Variants in USP47 observed in about 807,000 individuals in gnomAD.
USP47 encodes ubiquitin carboxyl-terminal hydrolase 47.
USP47 carries 35 observed loss-of-function variants against 165.1 expected under a neutral mutation model. The ratio of observed to expected loss-of-function variants is 0.21; its 90% CI spans 0.16 to 0.28. The LOEUF is 0.28. USP47 is among the 10% of genes least tolerant of loss of function. The probability of loss-of-function intolerance (pLI) is 1.00; values close to 1 mark genes in which losing one functional copy is unlikely to be tolerated. For missense variants in USP47, 1,277 were observed against 1,607.4 expected, an observed-to-expected ratio of 0.79 and a Z score of 3.52; for synonymous variants, 531 against 544.5, an observed-to-expected ratio of 0.98 and a Z score of 0.35.
At position 11,930,684 on chromosome 11, in the gene USP47, T is replaced by C; in HGVS notation, c.1596-12T>C. 3 of 1,588,594 alleles carry C rather than the reference T, an allele frequency of 1.9e-6. No homozygotes were observed. Among genetic ancestry groups the C allele is most frequent in the Middle Eastern group, 1.7e-4 (1 of 6,002 alleles). On this transcript the variant is annotated splice_polypyrimidine_tract_variant and intron_variant, in intron 13 of 27. Transcript: ENST00000527733. Reference sequence around the variant, plus strand: ...TTTTTGTCCTTATTAATCTTTTTTATGTTTCTACTAGTTCCACAAATGCAT... The same window carrying C: ...TTTTTGTCCTTATTAATCTTTTTTACGTTTCTACTAGTTCCACAAATGCAT...
At chr11:11,867,678 T>C (rs1849770344) in intron 1 of USP47, among the ~76,000 whole-genome samples, 1 of 152,232 alleles carries the variant, frequency 6.6e-6, no homozygotes, top group African/African-American at 2.4e-5. Flanking sequence ...TGACTCTCTT[T>C]AATGGTACCA....
rs187197781 is a variant in USP47, at chr11:11,905,693, A to G, written c.969+145A>G. ...TCCTGCATTTAAATTAGCAAGATCTAGAAGATTTTTGACCCTTCAGTGAGT... is the reference window on the plus strand; with the variant it reads ...TCCTGCATTTAAATTAGCAAGATCTGGAAGATTTTTGACCCTTCAGTGAGT... On this transcript the variant is annotated intron_variant, in intron 8 of 27. Coordinates refer to ENST00000527733, the MANE Select transcript of USP47 (RefSeq NM_001282659.2). The G allele has an allele frequency of 5.0e-4, 409 of 817,150 alleles. 5 individuals are homozygous for G. In the East Asian group the frequency reaches 0.013, roughly 25 times the overall value. 50.6% of individuals were successfully genotyped at this position (817,150 alleles called of 1,614,324 possible). A position where few individuals can be genotyped will look rare whatever the true frequency, so the allele number is the denominator to read the frequency against.
At chr11:11,879,750 C>T (rs1850709200) in intron 1 of USP47, among the ~76,000 whole-genome samples, 1 of 152,126 alleles carries the variant, frequency 6.6e-6, no homozygotes, top group Non-Finnish European at 1.5e-5. Flanking sequence ...TGCATTTTTG[C>T]ACAATTCCCA....
intron 1 of USP47, among the ~76,000 whole-genome samples, chr11:11,870,805 G>T (rs960092875): frequency 6.6e-6 from 1 of 152,006 alleles, no homozygotes; most frequent in African/African-American, 2.4e-5. Context: ...AGTTTCTTGT[G>T]CTGTGTCTTA....
intron 8 of USP47, among the ~76,000 whole-genome samples, chr11:11,917,034 T>C (rs2134567350): frequency 6.6e-6 from 1 of 151,654 alleles, no homozygotes. Flanking sequence ...GTGCCTGTGG[T>C]CCTAACTATT....
intron 1 of USP47, among the ~76,000 whole-genome samples, chr11:11,876,712 T>G (rs368101141): frequency 1.8e-3 from 274 of 152,332 alleles, no homozygotes; most frequent in African/African-American, 6.2e-3. Flanking sequence ...TTTCTAGGGC[T>G]TCCTCACAGC....
chr11:11,882,700 C>G (rs1850908842), intron 2 of USP47, among the ~76,000 whole-genome samples: 1 of 152,034 alleles, frequency 6.6e-6, no homozygotes. Flanking sequence ...ATTTTTTTCT[C>G]TTTGACCTCC....
At position 11,957,253 on chromosome 11, in the gene USP47, G is replaced by T. The variant is rs1047566889; in HGVS notation, c.*1078G>T. 7.3e-5 allele frequency: 11 copies of T among 149,918 alleles called. No individual in the cohort carries two copies. The East Asian group carries it at 7.9e-4, about 11-fold the overall frequency. 9.3% of individuals were successfully genotyped at this position (149,918 alleles called of 1,614,324 possible). A position where few individuals can be genotyped will look rare whatever the true frequency, so the allele number is the denominator to read the frequency against. ...ACATGTAGTTTAACTTTTGGGAAACGTCTTAACATTGTTCTGAATAAACTT... is the reference window on the plus strand; with the variant it reads ...ACATGTAGTTTAACTTTTGGGAAACTTCTTAACATTGTTCTGAATAAACTT... On this transcript the variant is annotated 3_prime_UTR_variant, in exon 28 of 28. Transcript: ENST00000527733.
chr11:11,929,504 C>T lies in USP47; in HGVS notation c.1457C>T (p.Ala486Val). 1 of 1,613,248 alleles carries T rather than the reference C, an allele frequency of 6.2e-7. No individual in the cohort carries two copies. The highest frequency in any genetic ancestry group is 8.5e-7 in the Non-Finnish European group (1 of 1,179,434). Residue 486 changes from alanine to valine, a missense_variant, in exon 12 of 28, where the codon GCA becomes GTA. Ala to Val is a moderately conservative substitution (Grantham distance 64). Around this residue, in one of 4 missense-constraint regions of USP47, gnomAD observed 909 missense variants for 1,068.1 expected, o/e 0.85. Transcript: ENST00000527733. ...SGSAAGGHYYACIKSFSDEQW... is the reference protein window; with the variant it reads ...SGSAAGGHYYVCIKSFSDEQW... ...AGCGCTGCTGGTGGTCATTATTATGCATGTATAAAGTCATTCAGTGATGAG... is the reference window on the plus strand; with the variant it reads ...AGCGCTGCTGGTGGTCATTATTATGTATGTATAAAGTCATTCAGTGATGAG...
At chr11:11,921,385 G>A (rs1255631231) in intron 10 of USP47, among the ~76,000 whole-genome samples, 1 of 151,740 alleles carries the variant, frequency 6.6e-6, no homozygotes, top group East Asian at 1.9e-4. Flanking sequence ...GTGTAGAAGA[G>A]CACATGTTTT....
intron 14 of USP47, 117 bp from the exon 15 acceptor site, chr11:11,932,887 A>C (rs111577593): frequency 5.6e-6 from 4 of 711,508 alleles, no homozygotes; most frequent in Non-Finnish European, 9.3e-6. Context: ...TGTAATGGAG[A>C]TATATCTCCA....
At chr11:11,900,440 G>A (rs1011144697) in intron 5 of USP47, among the ~76,000 whole-genome samples, 10 of 152,126 alleles carry the variant, frequency 6.6e-5, no homozygotes, top group East Asian at 1.9e-4. Context: ...GATTACAGGC[G>A]TGAGCCACCG....
chr11:11,874,110 A>G (rs1254127484), intron 1 of USP47, among the ~76,000 whole-genome samples: 2 of 152,246 alleles, frequency 1.3e-5, no homozygotes, highest in Admixed American at 6.5e-5. Flanking sequence ...GATGTTGGGT[A>G]TGATAGTTGC....
chr11:11,912,415 A>G (rs537281956), intron 8 of USP47, among the ~76,000 whole-genome samples: 25 of 152,230 alleles, frequency 1.6e-4, no homozygotes, highest in Admixed American at 3.9e-4. Context: ...GATCACAACA[A>G]ACAACTCTGC....
intron 1 of USP47, among the ~76,000 whole-genome samples, chr11:11,852,911 T>C (rs944095926): frequency 1.3e-5 from 2 of 152,210 alleles, no homozygotes; most frequent in African/African-American, 4.8e-5. Flanking sequence ...TTCTGTGCCC[T>C]TGCCCTGACT....
intron 18 of USP47, among the ~76,000 whole-genome samples, chr11:11,939,139 G>A (rs574499651): frequency 5.3e-5 from 8 of 151,774 alleles, no homozygotes; most frequent in Non-Finnish European, 7.4e-5. Flanking sequence ...AATTTTGGGG[G>A]GCAAAAGGAT....
chr11:11,920,356 G>A lies in USP47; in HGVS notation c.1080G>A (p.Leu360=). The A allele has an allele frequency of 6.2e-7, 1 of 1,605,592 alleles. No homozygotes were observed. The highest frequency in any genetic ancestry group is 1.3e-5 in the African/African-American group (1 of 74,342). Residue 360 remains leucine, a synonymous_variant, in exon 10 of 28, where the codon TTG becomes TTA. Transcript: ENST00000527733. ...TTGTTTTTTAGGGCCTTCGGTTTTT[G>A]CATTTTCCTTATCTGCTGACCTTAC... ...KCDARKGLRF[L]HFPYLLTLQL...
intron 1 of USP47, among the ~76,000 whole-genome samples, chr11:11,866,877 A>C (rs1036902918): frequency 6.9e-6 from 1 of 145,182 alleles, no homozygotes; most frequent in Non-Finnish European, 1.5e-5. Flanking sequence ...CTCTGACTGC[A>C]TTTTTTTTTT....
chr11:11,883,933 C>T (rs1850993914), intron 2 of USP47, among the ~76,000 whole-genome samples: 1 of 152,094 alleles, frequency 6.6e-6, no homozygotes, highest in African/African-American at 2.4e-5. Context: ...AGGAGTCTTT[C>T]TAAAGGCTAT....
Sources: allele counts gnomAD v4.1 joint callset (sites outside exome capture counted in the v4.1 genomes callset), GRCh38; gene constraint gnomAD v4.1.1; regional missense constraint gnomAD v4.1.1; transcripts MANE v1.5; gene names NCBI Gene and HGNC (gene_info 2026-07-23, HGNC 2026-07-21).